The following ATAD3A variants were observed in gnomAD, a reference collection of about 807,000 sequenced individuals.
ATAD3A encodes ATPase family AAA domain-containing protein 3A.
In ATAD3A, 46 loss-of-function variants were observed where a neutral mutation model predicts 73.8. The observed-to-expected ratio is 0.62, with a 90% CI of 0.49 to 0.80. The LOEUF (loss-of-function observed/expected upper bound fraction) is 0.80. ATAD3A is among the 30% of genes least tolerant of loss of function. The pLI is 0.00. For missense variants in ATAD3A, 705 were observed against 838.0 expected, an observed-to-expected ratio of 0.84 and a Z score of 1.96; for synonymous variants, 319 against 350.0, an observed-to-expected ratio of 0.91 and a Z score of 0.99.
intron 5 of ATAD3A, among the ~76,000 whole-genome samples, 185 bp from the exon 6 acceptor site, chr1:1,519,956 G>C (rs536151729): frequency 6.6e-6 from 1 of 152,206 alleles, no homozygotes; most frequent in Non-Finnish European, 1.5e-5. Context: ...GGGCCTGTCC[G>C]TGGCCTTAGC....
Position 1,527,200 on chromosome 1 carries a change from T to C in ATAD3A, c.1338-495T>C, listed in dbSNP as rs571399231. ...CACACGGAGGATCAAGTCCTGCTGG[T>C]CGGCCGTGGCTGACTCCTCAGGCAC... is the stretch of plus-strand genomic sequence containing the variant. On this transcript the variant is annotated intron_variant, in intron 13 of 15. Coordinates refer to ENST00000378756, the MANE Select transcript of ATAD3A (RefSeq NM_001170535.3). 2.5e-5 allele frequency: 32 copies of C among 1,302,674 alleles called. 1 individual carries two copies. In the East Asian group the frequency reaches 1.6e-3, roughly 63 times the overall value. The allele number at this position is 1,302,674 out of a possible 1,614,324, so 80.7% of individuals were successfully genotyped here.
chr1:1,521,097 A>G (rs1353322240), intron 7 of ATAD3A, among the ~76,000 whole-genome samples: 1 of 151,846 alleles, frequency 6.6e-6, no homozygotes, highest in Non-Finnish European at 1.5e-5. Flanking sequence ...CGGGATCGAG[A>G]CCATCCTGGC....
At position 1,520,327 on chromosome 1, in the gene ATAD3A, G is replaced by C. The variant is rs766802612; in HGVS notation, c.680+21G>C. 6.2e-6 allele frequency: 10 copies of C among 1,606,938 alleles called. No individual in the cohort carries two copies. The highest frequency in any genetic ancestry group is 8.5e-6 in the Non-Finnish European group (10 of 1,174,770). ...ATCAGGTGAGCACTGCCGAGGCCCG[G>C]GCCGGCCACAGATGGAGCCCCGCAG... On this transcript the variant is annotated intron_variant, in intron 6 of 15. Transcript: ENST00000378756. This position sits in a 1 kb window ranked among gnomAD's most constrained non-coding sequence, Gnocchi z 4.0.
intron 7 of ATAD3A, 143 bp from the exon 8 acceptor site, chr1:1,522,601 G>A (rs1340976828): frequency 1.4e-6 from 2 of 1,480,156 alleles, no homozygotes; most frequent in Admixed American, 2.4e-5. Flanking sequence ...TCGGGGCCGG[G>A]AATTCGCGTT....
rs115508211 is a variant in ATAD3A, at chr1:1,534,092, G to C, written c.*20G>C. On this transcript the variant is annotated 3_prime_UTR_variant, in exon 16 of 16. Transcript: ENST00000378756. ...TCCTGAGTCCACAGGGAGATCCACA[G>C]CTCACGGAGCCTGGCCGCGGACCCC... 10,144 of 1,613,182 alleles carry C rather than the reference G, an allele frequency of 6.3e-3. 541 individuals are homozygous for C. In the African/African-American group the frequency reaches 0.11, roughly 18 times the overall value.
chr1:1,520,228 G>T lies in ATAD3A; in HGVS notation c.602G>T (p.Arg201Leu). Residue 201 changes from arginine to leucine, a missense_variant, in exon 6 of 16, where the codon CGG (arginine) becomes CTG (leucine). Physicochemically the swap from Arg to Leu is moderately radical, Grantham distance 102. Transcript: ENST00000378756. This position sits in a 1 kb window ranked among gnomAD's most constrained non-coding sequence, Gnocchi z 4.0. ...GCCCGGGCGCGCGCCAAGGCCGAGC[G>T]GGAGAATGCAGACATCATCCGCGAG... ...AEARARAKAE[R>L]ENADIIREQI... The T allele has an allele frequency of 6.2e-7, 1 of 1,612,614 alleles. No homozygotes were observed. Among genetic ancestry groups the T allele is most frequent in the African/African-American group, 1.3e-5 (1 of 75,030 alleles).
rs1411708374 is a variant in ATAD3A at position 1,518,492 on chromosome 1, G to A, written c.445-429G>A. On this transcript the variant is annotated intron_variant, in intron 4 of 15. Transcript: ENST00000378756. ...ATGGGCACAGCCCCCCCGCACACAT[G>A]GGCACGCACACAACCCCCCCACATG... Among the ~76,000 whole-genome samples the A allele has an allele frequency of 7.3e-5, 7 of 96,278 alleles. No individual in the cohort carries two copies. The Admixed American group carries it at 1.0e-3, about 14-fold the overall frequency. 63.2% of individuals were successfully genotyped at this position (96,278 alleles called of 152,430 possible).
intron 15 of ATAD3A, among the ~76,000 whole-genome samples, chr1:1,530,975 G>A (rs1261852165): frequency 6.6e-6 from 1 of 151,770 alleles, no homozygotes; most frequent in Admixed American, 6.6e-5. Flanking sequence ...GGCCAACAAG[G>A]CCAATCTCAC....
chr1:1,519,131 G>T, intron 5 of ATAD3A, 141 bp downstream of exon 5: 2 of 1,546,362 alleles, frequency 1.3e-6, no homozygotes, highest in Non-Finnish European at 1.7e-6. Flanking sequence ...GCTCCGCGGG[G>T]TGGGGCTGCC....
chr1:1,520,700 G>A lies in ATAD3A; in HGVS notation c.750+83G>A. 6.2e-7 allele frequency: 1 copy of A among 1,605,614 alleles called. No individual in the cohort carries two copies. The highest frequency in any genetic ancestry group is 1.1e-5 in the South Asian group (1 of 90,486). ...TCCTGGAGCCCCAGGTCCTGTCCCTGCCGGCTCTGCACAGCCCTGTAGCTC... is the reference window on the plus strand; with the variant it reads ...TCCTGGAGCCCCAGGTCCTGTCCCTACCGGCTCTGCACAGCCCTGTAGCTC... On this transcript the variant is annotated intron_variant, in intron 7 of 15. Transcript: ENST00000378756. The surrounding 1 kb of genome is among the most constrained non-coding windows in gnomAD (Gnocchi z 4.0).
Position 1,512,196 on chromosome 1 carries a change from G to T in ATAD3A, c.-73G>T. On this transcript the variant is annotated 5_prime_UTR_variant, in exon 1 of 16. Coordinates refer to ENST00000378756, the MANE Select transcript of ATAD3A (RefSeq NM_001170535.3). The stretch of plus-strand genomic sequence containing the variant: ...GACCACCGGCTCGCGGCGCGTGGAG[G>T]CTGCTCCCAGCCGCGCGCGAGTCAG... 1 of 1,227,024 alleles carries T rather than the reference G, an allele frequency of 8.1e-7. No homozygotes were observed. The highest frequency in any genetic ancestry group is 1.0e-6 in the Non-Finnish European group (1 of 981,116). 76.0% of individuals were successfully genotyped at this position (1,227,024 alleles called of 1,614,324 possible).
At position 1,534,277 on chromosome 1, in the gene ATAD3A, C is replaced by G; in HGVS notation, c.*205C>G. 1.4e-6 allele frequency: 2 copies of G among 1,456,012 alleles called. No individual in the cohort carries two copies. The highest frequency in any genetic ancestry group is 3.0e-5 in the South Asian group (2 of 66,332). 90.2% of individuals were successfully genotyped at this position (1,456,012 alleles called of 1,614,324 possible). ...GTTGTAGGCACTGGCTAGGGAGGGGCAGGCCTCCTTCCTGCCCCTCGAGAC... is the reference window on the plus strand; with the variant it reads ...GTTGTAGGCACTGGCTAGGGAGGGGGAGGCCTCCTTCCTGCCCCTCGAGAC... On this transcript the variant is annotated 3_prime_UTR_variant, in exon 16 of 16. Coordinates refer to ENST00000378756, the MANE Select transcript of ATAD3A (RefSeq NM_001170535.3).
chr1:1,527,151 G>A (rs1199243043), intron 13 of ATAD3A: 1 of 1,301,780 alleles, frequency 7.7e-7, no homozygotes, highest in East Asian at 5.6e-5. Context: ...GGTCTCCTGG[G>A]CCCCTCCAGC....
In ATAD3A at chr1:1,529,325, C is replaced by T; in HGVS notation, c.1608C>T (p.Ser536=). The T allele has an allele frequency of 6.3e-7, 1 of 1,583,652 alleles. No homozygotes were observed. Among genetic ancestry groups the T allele is most frequent in the South Asian group, 1.1e-5 (1 of 87,346 alleles). ...SGREIAQLAV[S]WQATAYASED... ...GGGAGATCGCTCAGCTGGCCGTGTC[C>T]TGGCAGGTGAGTCAGGCTCCGGCAC... Residue 536 remains serine (S), a synonymous_variant, in exon 15 of 16, where the codon TCC becomes TCT. Transcript: ENST00000378756.
At position 1,523,923 on chromosome 1, in the gene ATAD3A, A is replaced by C. The variant is rs774297981; in HGVS notation, c.1048A>C (p.Met350Leu). 5.6e-5 allele frequency: 90 copies of C among 1,613,750 alleles called. No homozygotes were observed. The highest frequency in any genetic ancestry group is 6.7e-5 in the African/African-American group (5 of 74,878). Residue 350 changes from methionine to leucine, a missense_variant, in exon 10 of 16, where the codon ATG becomes CTG. Around this residue, in one of 5 missense-constraint regions of ATAD3A, gnomAD observed 315 missense variants for 334.1 expected, o/e 0.94. Transcript: ENST00000378756. This position sits in a 1 kb window ranked among gnomAD's most constrained non-coding sequence, Gnocchi z 5.1. ...CCGCAGCCTGTACAGGAACATCCTG[A>C]TGTACGGGCCACCAGGCACCGGGAA... ...KNRSLYRNILMYGPPGTGKTL... is the reference protein window; with the variant it reads ...KNRSLYRNILLYGPPGTGKTL...
At position 1,534,204 on chromosome 1, in the gene ATAD3A, G is replaced by A. The variant is rs986873497; in HGVS notation, c.*132G>A. The A allele has an allele frequency of 2.6e-6, 4 of 1,539,684 alleles. No homozygotes were observed. Among genetic ancestry groups the A allele is most frequent in the Non-Finnish European group, 3.5e-6 (4 of 1,143,180 alleles). ...TGTGCCCAGGGCCTCTGTCCCCCAG[G>A]ATGTCTTGTGGTGCGGGTCGGCCGT... On this transcript the variant is annotated 3_prime_UTR_variant, in exon 16 of 16. Coordinates refer to ENST00000378756, the MANE Select transcript of ATAD3A (RefSeq NM_001170535.3).
chr1:1,523,710 G>C lies in ATAD3A; in HGVS notation c.964-129G>C. On this transcript the variant is annotated intron_variant, in intron 9 of 15. Coordinates refer to ENST00000378756, the MANE Select transcript of ATAD3A (RefSeq NM_001170535.3). The surrounding 1 kb of genome is among the most constrained non-coding windows in gnomAD (Gnocchi z 5.1). ...GACTGCTTGGACCGTGCTGGGGATA[G>C]ATAGGCTGCCCCTGAGGTGGGAGGC... 1 of 1,587,526 alleles carries C rather than the reference G, an allele frequency of 6.3e-7. No homozygotes were observed. The highest frequency in any genetic ancestry group is 8.6e-7 in the Non-Finnish European group (1 of 1,165,066).
chr1:1,533,402 G>A (rs766111818), intron 15 of ATAD3A, among the ~76,000 whole-genome samples: 48 of 152,358 alleles, frequency 3.2e-4, no homozygotes, highest in Admixed American at 5.2e-4. Flanking sequence ...AGCCCCAGCA[G>A]CTCCAGCCTT....
chr1:1,527,666 G>A (rs1015527203), intron 13 of ATAD3A, 29 bp from the exon 14 acceptor site: 2 of 1,588,700 alleles, frequency 1.3e-6, no homozygotes, highest in Non-Finnish European at 8.6e-7. Context: ...GGCAGCCCCA[G>A]CATCCTCATC....
Sources: gnomAD v4.1 joint callset for allele counts (sites outside exome capture counted in the v4.1 genomes callset) on GRCh38, gnomAD v4.1.1 for gene constraint, gnomAD v4.1.1 regional missense constraint, Gnocchi (gnomAD v3.1) non-coding constraint, MANE v1.5 for transcripts, NCBI Gene and HGNC (gene_info 2026-07-23, HGNC 2026-07-21) for gene names.